RBFOX1: variants seen among roughly 807,000 people sequenced by gnomAD.
RBFOX1 encodes the protein RNA binding protein fox-1 homolog 1.
A neutral mutation model predicts 57.7 loss-of-function variants in RBFOX1; 8 were observed. That is an observed-to-expected ratio of 0.14 (90% CI 0.08 to 0.25). The LOEUF is 0.25. Ranked by LOEUF, RBFOX1 falls within the 10% of genes least tolerant of loss-of-function variation. The pLI is 1.00. For synonymous variants in RBFOX1, 326 were observed against 222.4 expected, an observed-to-expected ratio of 1.47 and a Z score of -4.15; for missense variants, 611 against 548.5, an observed-to-expected ratio of 1.11 and a Z score of -1.14.
chr16:5,660,166 C>T (rs1455940473), intron 3 of RBFOX1, among the ~76,000 whole-genome samples: 1 of 152,070 alleles, frequency 6.6e-6, no homozygotes, highest in Non-Finnish European at 1.5e-5. Flanking sequence ...ACTGGGGGAC[C>T]TGGAGTGTGG....
chr16:5,933,383 T>C (rs142472426), intron 4 of RBFOX1, among the ~76,000 whole-genome samples: 3 of 152,320 alleles, frequency 2.0e-5, no homozygotes, highest in African/African-American at 7.2e-5. Context: ...CGTGTGTTCT[T>C]ATGCACGCAT....
At chr16:5,480,115 G>T (rs945792583) in intron 2 of RBFOX1, among the ~76,000 whole-genome samples, 2 of 152,202 alleles carry the variant, frequency 1.3e-5, no homozygotes, top group Non-Finnish European at 2.9e-5. Context: ...GGTCTCCTCC[G>T]CAGAGAGGGA....
intron 2 of RBFOX1, among the ~76,000 whole-genome samples, chr16:5,523,165 A>G (rs1338601340): frequency 6.6e-6 from 1 of 152,160 alleles, no homozygotes; most frequent in Non-Finnish European, 1.5e-5. Context: ...GCATGCCTGT[A>G]ATTCCAGCTA....
intron 4 of RBFOX1, among the ~76,000 whole-genome samples, chr16:7,120,134 T>C (rs1029698030): frequency 1.3e-5 from 2 of 152,080 alleles, no homozygotes; most frequent in African/African-American, 2.4e-5. Context: ...AGGGGAATTA[T>C]AGAACTTAAA....
At chr16:7,469,980 G>T (rs1266700406) in intron 4 of RBFOX1, among the ~76,000 whole-genome samples, 2 of 149,552 alleles carry the variant, frequency 1.3e-5, no homozygotes, top group African/African-American at 4.9e-5. Flanking sequence ...CGTCTTCAAG[G>T]TACATTGATG....
At chr16:6,601,544 C>T (rs1361609414) in intron 2 of RBFOX1, among the ~76,000 whole-genome samples, 1 of 152,146 alleles carries the variant, frequency 6.6e-6, no homozygotes, top group Non-Finnish European at 1.5e-5. Flanking sequence ...GTTTTGCAAG[C>T]ACCCTATGCT....
chr16:6,520,173 C>T (rs1329005564), intron 2 of RBFOX1, among the ~76,000 whole-genome samples: 1 of 152,176 alleles, frequency 6.6e-6, no homozygotes, highest in Admixed American at 6.5e-5. Context: ...AACAACATTT[C>T]TTCTCTAAAT....
intron 1 of RBFOX1, among the ~76,000 whole-genome samples, chr16:6,288,805 G>T (rs1449858497): frequency 1.3e-5 from 2 of 152,118 alleles, no homozygotes; most frequent in Middle Eastern, 3.2e-3. Flanking sequence ...ATTGTAGAGT[G>T]TGTTTTTAGT....
chr16:6,923,487 C>G (rs548634849), intron 3 of RBFOX1, among the ~76,000 whole-genome samples: 3 of 152,166 alleles, frequency 2.0e-5, no homozygotes, highest in African/African-American at 7.2e-5. Context: ...GAGCCAATAT[C>G]ACAACACTGC....
chr16:5,741,218 T>G (rs1314173693), intron 3 of RBFOX1, among the ~76,000 whole-genome samples: 3 of 152,144 alleles, frequency 2.0e-5, no homozygotes, highest in Non-Finnish European at 4.4e-5. Flanking sequence ...TCCTTGGGGC[T>G]GCCACGTCAT....
chr16:7,294,441 T>C (rs530247797), intron 4 of RBFOX1, among the ~76,000 whole-genome samples: 2 of 151,908 alleles, frequency 1.3e-5, no homozygotes, highest in Non-Finnish European at 2.9e-5. Flanking sequence ...TCTTTTGACA[T>C]ATGTCAGTTG....
chr16:7,446,357 A>G (rs2098807569), intron 4 of RBFOX1, among the ~76,000 whole-genome samples: 2 of 152,146 alleles, frequency 1.3e-5, no homozygotes, highest in Admixed American at 6.5e-5. Flanking sequence ...AATGGTGTGA[A>G]TCTAATTTCA....
chr16:7,318,479 C>T (rs374491831), intron 4 of RBFOX1, among the ~76,000 whole-genome samples: 3 of 152,200 alleles, frequency 2.0e-5, no homozygotes, highest in South Asian at 4.2e-4. Flanking sequence ...CCACTTACCA[C>T]CTTTGCACCG....
chr16:6,270,358 A>C (rs955812881), intron 1 of RBFOX1, among the ~76,000 whole-genome samples: 15 of 151,516 alleles, frequency 9.9e-5, no homozygotes, highest in Non-Finnish European at 1.6e-4. Context: ...TTAATAGTAT[A>C]GGTAGACTGA....
intron 2 of RBFOX1, among the ~76,000 whole-genome samples, chr16:6,623,454 T>A (rs965418854): frequency 5.3e-5 from 8 of 150,986 alleles, no homozygotes; most frequent in Admixed American, 4.0e-4. Context: ...TTTTTTTTTT[T>A]TTATTATACT....
At chr16:7,408,359 T>A (rs1024435524) in intron 4 of RBFOX1, among the ~76,000 whole-genome samples, 5 of 152,178 alleles carry the variant, frequency 3.3e-5, no homozygotes, top group African/African-American at 1.2e-4. Context: ...TTTTGAAATT[T>A]TAAAAAATGT....
At chr16:6,537,745 G>T (rs960925822) in intron 2 of RBFOX1, among the ~76,000 whole-genome samples, 1 of 151,216 alleles carries the variant, frequency 6.6e-6, no homozygotes, top group African/African-American at 2.4e-5. Context: ...GCAGATAAGA[G>T]AAGATAATGT....
At chr16:7,498,105 G>T (rs781311005) in intron 4 of RBFOX1, among the ~76,000 whole-genome samples, 64 of 152,190 alleles carry the variant, frequency 4.2e-4, no homozygotes, top group Non-Finnish European at 2.6e-4. Flanking sequence ...TGTGAAGGCT[G>T]TCTTGGGGTT....
intron 3 of RBFOX1, among the ~76,000 whole-genome samples, chr16:5,662,792 C>G (rs374191484): frequency 6.6e-6 from 1 of 152,304 alleles, no homozygotes; most frequent in East Asian, 1.9e-4. Context: ...ACTGTTTAGT[C>G]CCCTCCACTT....
Sources: allele counts gnomAD v4.1 joint callset (sites outside exome capture counted in the v4.1 genomes callset), GRCh38; gene constraint gnomAD v4.1.1; transcripts MANE v1.5; gene names NCBI Gene and HGNC (gene_info 2026-07-23, HGNC 2026-07-21).